DIPK1A: variants seen among roughly 807,000 people sequenced by gnomAD.
The protein encoded by DIPK1A is family with sequence similarity 69 member A.
A neutral mutation model predicts 40.8 loss-of-function variants in DIPK1A; 27 were observed. The ratio of observed to expected loss-of-function variants is 0.66; its 90% CI spans 0.49 to 0.91. The LOEUF is 0.91. Ranked by LOEUF, DIPK1A falls within the 40% of genes least tolerant of loss-of-function variation. The pLI is 0.00. For missense variants in DIPK1A, 412 were observed against 505.7 expected (o/e 0.81, Z 1.78); for synonymous variants, 166 against 171.3 (o/e 0.97, Z 0.24).
At chr1:92,874,847 G>C (rs1648040799) in intron 2 of DIPK1A, among the ~76,000 whole-genome samples, 2 of 151,974 alleles carry the variant, frequency 1.3e-5, no homozygotes, top group Admixed American at 1.3e-4. Context: ...TGTCTCTCTG[G>C]GTCATAGTTC....
chr1:92,863,363 C>T (rs955436610), intron 2 of DIPK1A, among the ~76,000 whole-genome samples: 3 of 151,996 alleles, frequency 2.0e-5, no homozygotes, highest in South Asian at 2.1e-4. Context: ...ACTGCCTGTC[C>T]CAGGATTACA....
intron 2 of DIPK1A, among the ~76,000 whole-genome samples, chr1:92,859,734 ACT>A (rs1364936391): frequency 6.6e-6 from 1 of 152,134 alleles, no homozygotes; most frequent in Non-Finnish European, 1.5e-5. Context: ...ACAGGGTCTC[ACT>A]CTGTCGCCCA....
intron 4 of DIPK1A, chr1:92,845,578 C>T: frequency 3.2e-6 from 1 of 310,560 alleles, no homozygotes; most frequent in Non-Finnish European, 6.3e-6. Context: ...GTGGCTCACG[C>T]CTGTAATCCC....
At position 92,847,171 on chromosome 1, in the gene DIPK1A, G is replaced by C; in HGVS notation, c.474+12C>G. ...CACTTCACACTAGCAACATATGAAT[G>C]GGTATGCTTACCTTAAAGAGACTAT... On this transcript the variant is annotated intron_variant, in intron 4 of 4. Coordinates refer to ENST00000370310, the MANE Select transcript of DIPK1A (RefSeq NM_001006605.5). The C allele has an allele frequency of 6.7e-7, 1 of 1,493,698 alleles. No homozygotes were observed. The highest frequency in any genetic ancestry group is 9.0e-7 in the Non-Finnish European group (1 of 1,114,018). 92.5% of individuals were successfully genotyped at this position (1,493,698 alleles called of 1,614,324 possible).
Position 92,933,383 on chromosome 1 carries a change from C to T in DIPK1A, c.54+27993G>A, listed in dbSNP as rs538141936. On this transcript the variant is annotated intron_variant, in intron 1 of 4. Transcript: ENST00000370310. ...AGGCATGGTCAATAGTATATAATGC[C>T]ATAACAAAGTAAAGTAAAATTCATA... 2.0e-5 allele frequency: 3 copies of T among 152,128 alleles called. No individual in the cohort carries two copies. The East Asian group carries it at 5.8e-4, about 29-fold the overall frequency. 9.4% of individuals were successfully genotyped at this position (152,128 alleles called of 1,614,324 possible). A position where few individuals can be genotyped will look rare whatever the true frequency, so the allele number is the denominator to read the frequency against.
chr1:92,855,666 C>T (rs1293354636), intron 2 of DIPK1A, among the ~76,000 whole-genome samples: 1 of 151,238 alleles, frequency 6.6e-6, no homozygotes, highest in Non-Finnish European at 1.5e-5. Context: ...CATTGTACTC[C>T]AGCCTGGGCA....
intron 1 of DIPK1A, among the ~76,000 whole-genome samples, chr1:92,879,409 T>G (rs973185109): frequency 1.3e-5 from 2 of 152,244 alleles, no homozygotes; most frequent in Non-Finnish European, 2.9e-5. Flanking sequence ...GCTACGTTTT[T>G]CTACTTCCTC....
downstream of DIPK1A, chr1:92,841,866 A>G (rs11540833): frequency 2.1e-4 from 332 of 1,609,878 alleles, 1 homozygote; most frequent in African/African-American, 4.0e-3. Flanking sequence ...TGAGAGCTAA[A>G]CCCAGCAATT....
In DIPK1A at chr1:92,885,965, T is replaced by C. The variant is rs543231564; in HGVS notation, c.55-9535A>G. Among the ~76,000 whole-genome samples, 13 of 152,330 alleles carry C rather than the reference T, an allele frequency of 8.5e-5. No individual in the cohort carries two copies. In the East Asian group the frequency reaches 2.5e-3, roughly 29 times the overall value. On this transcript the variant is annotated intron_variant, in intron 1 of 4. Transcript: ENST00000370310. ...TAAAGTTGGGGTCATATGATACATA[T>C]TACTTATCTCTTTTTCTCATTTAAC...
intron 2 of DIPK1A, among the ~76,000 whole-genome samples, chr1:92,874,407 C>T (rs2100772448): frequency 6.6e-6 from 1 of 152,282 alleles, no homozygotes; most frequent in East Asian, 1.9e-4. Context: ...AGTATATTTG[C>T]TGTCTCTTGG....
chr1:92,931,344 C>A, intron 1 of DIPK1A: 1 of 234,064 alleles, frequency 4.3e-6, no homozygotes, highest in East Asian at 1.1e-4. Context: ...GTGCCCACAC[C>A]GTATCAAAGA....
chr1:92,838,968 A>G (rs1687230129), downstream of DIPK1A, among the ~76,000 whole-genome samples: 1 of 151,088 alleles, frequency 6.6e-6, no homozygotes, highest in South Asian at 2.1e-4. Context: ...AATTTTAGAG[A>G]CCTGGATTAC....
intron 1 of DIPK1A, among the ~76,000 whole-genome samples, chr1:92,936,086 A>C (rs1480007766): frequency 6.6e-6 from 1 of 151,970 alleles, no homozygotes; most frequent in East Asian, 1.9e-4. Context: ...ACTTCATCTC[A>C]AAAAGAAAAA....
intron 1 of DIPK1A, among the ~76,000 whole-genome samples, chr1:92,913,885 C>T (rs142712788): frequency 5.0e-4 from 76 of 152,256 alleles, no homozygotes; most frequent in African/African-American, 1.6e-3. Context: ...GTAAGCTAAT[C>T]AGCAAGAAGT....
At chr1:92,845,092 C>G (rs1178107766) in intron 4 of DIPK1A, among the ~76,000 whole-genome samples, 13 of 151,360 alleles carry the variant, frequency 8.6e-5, no homozygotes, top group Admixed American at 7.2e-4. Flanking sequence ...CTACAGGCGC[C>G]TGCCACCACG....
At chr1:92,887,457 G>C (rs1364619140) in intron 1 of DIPK1A, among the ~76,000 whole-genome samples, 1 of 151,648 alleles carries the variant, frequency 6.6e-6, no homozygotes. Flanking sequence ...GAAAGAAAAA[G>C]AAAACTATGC....
intron 1 of DIPK1A, chr1:92,932,601 G>A (rs1416737130): frequency 6.6e-6 from 1 of 152,148 alleles, no homozygotes; most frequent in Non-Finnish European, 1.5e-5. Flanking sequence ...TCTTAAATGT[G>A]TATTCCTTTT....
At chr1:92,836,626 A>G in intron 4 of DIPK1A, 1 of 536,570 alleles carries the variant, frequency 1.9e-6, no homozygotes. Context: ...AGTTATTGAA[A>G]GAGATGGGAT....
intron 1 of DIPK1A, among the ~76,000 whole-genome samples, chr1:92,918,080 G>GA (rs1445738432): frequency 6.6e-6 from 1 of 152,052 alleles, no homozygotes; most frequent in Non-Finnish European, 1.5e-5. Context: ...TTATTATAAA[G>GA]AAAAATACAT....
Sources: allele counts gnomAD v4.1 joint callset (sites outside exome capture counted in the v4.1 genomes callset), GRCh38; gene constraint gnomAD v4.1.1; transcripts MANE v1.5; gene names NCBI Gene and HGNC (gene_info 2026-07-23, HGNC 2026-07-21).